Variants in DLG2 observed in about 807,000 individuals in gnomAD.
The protein encoded by DLG2 is discs large MAGUK scaffold protein 2, also known as disks large homolog 2.
Under a neutral mutation model 132.5 loss-of-function variants are expected in DLG2, and 45 were observed. The ratio of observed to expected loss-of-function variants is 0.34; its 90% confidence interval spans 0.27 to 0.44. DLG2 has a LOEUF of 0.44. Among genes scored for constraint, DLG2 ranks in the 20% least tolerant of loss-of-function variants. DLG2 has a pLI of 1.00. For missense variants in DLG2, 1,045 were observed against 1,196.9 expected, an observed-to-expected ratio of 0.87 and a Z score of 1.87; for synonymous variants, 424 against 419.6, an observed-to-expected ratio of 1.01 and a Z score of -0.13.
intron 7 of DLG2, among the ~76,000 whole-genome samples, chr11:84,252,436 C>T (rs1280046350): frequency 6.6e-6 from 1 of 152,002 alleles, no homozygotes; most frequent in East Asian, 1.9e-4. Flanking sequence ...CATGCCCTGC[C>T]ATATTTTATT....
At position 85,030,763 on chromosome 11, in the gene DLG2, A is replaced by C. The variant is rs562742665; in HGVS notation, c.357+80898T>G. ...TGGTGACTTTATTTTCTCTTACATT[A>C]ATCCCACCTCATATTGATACTTAAT... is the stretch of plus-strand genomic sequence containing the variant. On this transcript the variant is annotated intron_variant, in intron 6 of 27. Coordinates refer to ENST00000376104, the MANE Select transcript of DLG2 (RefSeq NM_001142699.3). 3.9e-5 allele frequency among the ~76,000 whole-genome samples: 6 copies of C among 152,196 alleles called. No individual in the cohort carries two copies. In the East Asian group the frequency reaches 1.2e-3, roughly 29 times the overall value.
intron 15 of DLG2, among the ~76,000 whole-genome samples, chr11:83,894,456 T>C (rs536500958): frequency 7.9e-5 from 12 of 152,210 alleles, no homozygotes; most frequent in Non-Finnish European, 1.3e-4. Context: ...CAAAAATTTT[T>C]TAAAGATTTT....
chr11:84,965,137 G>A (rs755753385), intron 6 of DLG2, among the ~76,000 whole-genome samples: 1 of 152,020 alleles, frequency 6.6e-6, no homozygotes, highest in Admixed American at 6.6e-5. Context: ...TACTACTGTA[G>A]GACAAACTGC....
chr11:84,721,962 G>C (rs1231897871), intron 6 of DLG2, among the ~76,000 whole-genome samples: 1 of 152,176 alleles, frequency 6.6e-6, no homozygotes, highest in African/African-American at 2.4e-5. Flanking sequence ...AGCTTCAGAG[G>C]TAGATATTAT....
rs1566056000 is a variant in DLG2, at chr11:84,821,638, A to AC, written c.358-286908_358-286907insG. ...TGGTTCATACAATGTAAAAAAAAAA[A>AC]AAACAACAACAACAAAAAAAACAAA... is the stretch of plus-strand genomic sequence containing the variant. On this transcript the variant is annotated intron_variant, in intron 6 of 27. Transcript: ENST00000376104. 4.7e-5 allele frequency among the ~76,000 whole-genome samples: 6 copies of AC among 128,226 alleles called. No homozygotes were observed. In the East Asian group the frequency reaches 7.9e-4, roughly 17 times the overall value. 84.1% of individuals were successfully genotyped at this position (128,226 alleles called of 152,430 possible).
At chr11:84,192,345 A>G (rs1221432873) in intron 8 of DLG2, among the ~76,000 whole-genome samples, 1 of 152,248 alleles carries the variant, frequency 6.6e-6, no homozygotes, top group African/African-American at 2.4e-5. Flanking sequence ...AGTTAACAGC[A>G]TCTAATATCT....
chr11:84,081,124 C>T (rs982050742), intron 10 of DLG2, among the ~76,000 whole-genome samples: 2 of 151,502 alleles, frequency 1.3e-5, no homozygotes, highest in African/African-American at 4.9e-5. Context: ...AAAATTATAC[C>T]AACACTTTAA....
At chr11:84,112,200 G>T (rs939459686) in intron 9 of DLG2, among the ~76,000 whole-genome samples, 2 of 151,112 alleles carry the variant, frequency 1.3e-5, no homozygotes, top group Non-Finnish European at 2.9e-5. Flanking sequence ...GGGTTTCGCC[G>T]TGTTAGCCAG....
rs1427902654 is a variant in DLG2, at chr11:83,863,567, T to C, written c.1565+10853A>G. Among the ~76,000 whole-genome samples the C allele has an allele frequency of 2.0e-5, 3 of 152,018 alleles. No homozygotes were observed. The East Asian group carries it at 5.8e-4, about 29-fold the overall frequency. On this transcript the variant is annotated intron_variant, in intron 16 of 27. Transcript: ENST00000376104. ...TGAGAAAGAAAAAGGGCAGATGGGA[T>C]ATAGGAAGAGAGATCAGAGAGGGAA...
intron 6 of DLG2, among the ~76,000 whole-genome samples, chr11:84,868,682 G>A (rs956866940): frequency 7.2e-5 from 11 of 152,234 alleles, no homozygotes; most frequent in East Asian, 3.9e-4. Context: ...GAGTCGGGCA[G>A]ACACAGACCC....
At chr11:83,807,565 G>A (rs372749435) in intron 17 of DLG2, among the ~76,000 whole-genome samples, 27 of 152,210 alleles carry the variant, frequency 1.8e-4, no homozygotes, top group African/African-American at 5.8e-4. Context: ...TGAATGCTCA[G>A]TAAATAATAG....
At chr11:84,955,042 A>T (rs2154105153) in intron 6 of DLG2, among the ~76,000 whole-genome samples, 1 of 152,328 alleles carries the variant, frequency 6.6e-6, no homozygotes, top group East Asian at 1.9e-4. Context: ...TAATATGTAA[A>T]TGATACAAAT....
intron 3 of DLG2, among the ~76,000 whole-genome samples, chr11:85,406,602 G>A (rs760563084): frequency 2.6e-5 from 4 of 151,768 alleles, no homozygotes; most frequent in Non-Finnish European, 4.4e-5. Flanking sequence ...AAAAAATGCC[G>A]AGAGTCAGAA....
intron 7 of DLG2, among the ~76,000 whole-genome samples, chr11:84,289,895 C>T: frequency 6.6e-6 from 1 of 152,124 alleles, no homozygotes; most frequent in East Asian, 1.9e-4. Context: ...GTACCGTTTT[C>T]TGGATGGTCA....
At chr11:83,524,790 C>G (rs6592120) in intron 21 of DLG2, among the ~76,000 whole-genome samples, 66,676 of 151,988 alleles carry the variant, frequency 0.44, 14,841 homozygotes, top group Middle Eastern at 0.55. Flanking sequence ...CTGATTTCTG[C>G]CAACAACACT....
intron 6 of DLG2, among the ~76,000 whole-genome samples, chr11:85,091,386 A>G (rs949844709): frequency 9.2e-5 from 14 of 152,194 alleles, no homozygotes; most frequent in Non-Finnish European, 2.1e-4. Flanking sequence ...TTCAATGCTG[A>G]TGGCTGCTGA....
At chr11:85,249,360 A>G (rs2076286984) in intron 4 of DLG2, among the ~76,000 whole-genome samples, 1 of 151,992 alleles carries the variant, frequency 6.6e-6, no homozygotes, top group Non-Finnish European at 1.5e-5. Flanking sequence ...TTAGCCTACT[A>G]TAATGTTATA....
intron 18 of DLG2, among the ~76,000 whole-genome samples, chr11:83,747,073 G>A (rs2092963025): frequency 6.6e-6 from 1 of 152,078 alleles, no homozygotes; most frequent in African/African-American, 2.4e-5. Context: ...CAGTACCTTG[G>A]AATATTATAC....
intron 4 of DLG2, among the ~76,000 whole-genome samples, chr11:85,277,938 C>A (rs181949859): frequency 6.6e-6 from 1 of 152,264 alleles, no homozygotes; most frequent in Non-Finnish European, 1.5e-5. Context: ...CCCAGCATAG[C>A]TGATAATGCC....
Sources: gnomAD v4.1 joint callset for allele counts (sites outside exome capture counted in the v4.1 genomes callset) on GRCh38, gnomAD v4.1.1 for gene constraint, MANE v1.5 for transcripts, NCBI Gene and HGNC (gene_info 2026-07-23, HGNC 2026-07-21) for gene names.